The following ENPP2 variants were observed in gnomAD, a reference collection of about 807,000 sequenced individuals.
The protein encoded by ENPP2 is autotaxin.
A neutral mutation model predicts 120.2 loss-of-function variants in ENPP2; 51 were observed. That is an observed-to-expected ratio of 0.42 (90% CI 0.34 to 0.54). ENPP2 has a LOEUF of 0.54. Among genes scored for constraint, ENPP2 ranks in the 20% least tolerant of loss-of-function variants. The probability of loss-of-function intolerance (pLI) is 0.04; values close to 1 mark genes in which losing one functional copy is unlikely to be tolerated. For missense variants in ENPP2, 920 were observed against 1,066.5 expected (o/e 0.86, Z 1.91); for synonymous variants, 365 against 366.4 (o/e 1.00, Z 0.04).
At chr8:119,621,601 T>C (rs1815902148) in intron 3 of ENPP2, 82 bp from the exon 4 acceptor site, 1 of 1,454,728 alleles carries the variant, frequency 6.9e-7, no homozygotes, top group Non-Finnish European at 9.5e-7. Flanking sequence ...GGATTTCCAA[T>C]GAAGAAAGCT....
At position 119,572,185 on chromosome 8, in the gene ENPP2, G is replaced by T. The variant is rs1028043146; in HGVS notation, c.1781-1344C>A. The T allele has an allele frequency of 2.6e-6, 4 of 1,552,970 alleles. No individual in the cohort carries two copies. In the African/African-American group the frequency reaches 4.1e-5, roughly 16 times the overall value. On this transcript the variant is annotated intron_variant, in intron 19 of 24. Coordinates refer to ENST00000075322, the MANE Select transcript of ENPP2 (RefSeq NM_001040092.3). Reference sequence around the variant, plus strand: ...AAAACTCAAACCAAACCTTTTCTAGGTTCAAAATTTCCATTAATGTTTTCC... The same window carrying T: ...AAAACTCAAACCAAACCTTTTCTAGTTTCAAAATTTCCATTAATGTTTTCC...
At chr8:119,601,237 C>G (rs1026807248) in intron 10 of ENPP2, among the ~76,000 whole-genome samples, 160 bp downstream of exon 10, 1 of 152,208 alleles carries the variant, frequency 6.6e-6, no homozygotes, top group Non-Finnish European at 1.5e-5. Context: ...TAACCAAAGT[C>G]TATTGTATCC....
At chr8:119,562,335 C>G (rs896032313) in intron 24 of ENPP2, among the ~76,000 whole-genome samples, 10 of 151,880 alleles carry the variant, frequency 6.6e-5, no homozygotes, top group Non-Finnish European at 1.5e-4. Context: ...CCCAGCTACT[C>G]GGGAGGCTGA....
intron 2 of ENPP2, among the ~76,000 whole-genome samples, chr8:119,631,669 G>C (rs984454549): frequency 6.6e-6 from 1 of 152,082 alleles, no homozygotes; most frequent in African/African-American, 2.4e-5. Flanking sequence ...CAATAGAGTG[G>C]AATATTCACT....
At chr8:119,620,964 A>C (rs1815852081) in intron 4 of ENPP2, among the ~76,000 whole-genome samples, 2 of 152,142 alleles carry the variant, frequency 1.3e-5, no homozygotes, top group African/African-American at 2.4e-5. Flanking sequence ...CAATAGAGGG[A>C]GGCGAGGCTA....
chr8:119,572,264 T>G, intron 19 of ENPP2: 1 of 1,540,852 alleles, frequency 6.5e-7, no homozygotes, highest in Non-Finnish European at 8.8e-7. Flanking sequence ...GAAGCAGAAG[T>G]ATCAAAATTC....
intron 11 of ENPP2, among the ~76,000 whole-genome samples, chr8:119,594,746 G>C (rs915482356): frequency 3.3e-5 from 5 of 152,130 alleles, no homozygotes; most frequent in African/African-American, 9.7e-5. Context: ...GAAAGATACA[G>C]GGAGTATATT....
chr8:119,562,136 C>CA (rs879796217), intron 24 of ENPP2, among the ~76,000 whole-genome samples: 194 of 130,808 alleles, frequency 1.5e-3, no homozygotes, highest in African/African-American at 4.1e-3. Flanking sequence ...GACTCCGCCT[C>CA]AAAAAAAAAA....
intron 1 of ENPP2, among the ~76,000 whole-genome samples, chr8:119,662,059 T>C (rs1425985411): frequency 6.6e-6 from 1 of 152,198 alleles, no homozygotes; most frequent in East Asian, 1.9e-4. Context: ...TACAAAGTTT[T>C]AGTTAGAAAA....
At chr8:119,661,577 A>G (rs1817922221) in intron 1 of ENPP2, among the ~76,000 whole-genome samples, 1 of 152,234 alleles carries the variant, frequency 6.6e-6, no homozygotes, top group Non-Finnish European at 1.5e-5. Flanking sequence ...ATGGAATTGT[A>G]AATTAGTGCA....
intron 1 of ENPP2, among the ~76,000 whole-genome samples, chr8:119,651,185 A>C (rs1280603834): frequency 6.6e-6 from 1 of 152,108 alleles, no homozygotes; most frequent in Non-Finnish European, 1.5e-5. Context: ...TAAGTTGATA[A>C]AGAGGGGAAG....
intron 19 of ENPP2, among the ~76,000 whole-genome samples, chr8:119,575,738 T>C (rs76723024): frequency 0.059 from 8,948 of 152,272 alleles, 364 homozygotes; most frequent in Non-Finnish European, 0.088. Flanking sequence ...TTGTTTAGTT[T>C]TAACCCAAAG....
chr8:119,610,534 G>C (rs16892861), intron 8 of ENPP2, among the ~76,000 whole-genome samples: 8,932 of 151,552 alleles, frequency 0.059, 792 homozygotes, highest in African/African-American at 0.2. Flanking sequence ...CCGGTTCCTT[G>C]TTAATTCAGA....
chr8:119,566,633 A>AC (rs1237345171), intron 22 of ENPP2, among the ~76,000 whole-genome samples: 1 of 151,884 alleles, frequency 6.6e-6, no homozygotes, highest in Non-Finnish European at 1.5e-5. Flanking sequence ...TGAAAAAACC[A>AC]CCCCCCTCGT....
chr8:119,633,739 T>C (rs1322899686), intron 2 of ENPP2, among the ~76,000 whole-genome samples: 3 of 152,058 alleles, frequency 2.0e-5, no homozygotes, highest in Admixed American at 2.0e-4. Flanking sequence ...GCTTCCTAAA[T>C]ACATAACTTT....
At chr8:119,673,198 G>A in intron 1 of ENPP2, 1 of 1,427,348 alleles carries the variant, frequency 7.0e-7, no homozygotes, top group South Asian at 1.2e-5. Context: ...AATGGCAGCT[G>A]TGACCTGGGA....
rs1377350967 is a variant in ENPP2 at position 119,644,623 on chromosome 8, TATACACAC to T, written c.22-6104_22-6097del. ...ATATATATATATATATATATATATA[TATACACAC>T]ACACACACACACACACATATAGATA... On this transcript the variant is annotated intron_variant, in intron 1 of 25. Coordinates refer to the ENPP2 transcript ENST00000427067. Among the ~76,000 whole-genome samples, 21 of 97,246 alleles carry T rather than the reference TATACACAC, an allele frequency of 2.2e-4. No homozygotes were observed. The East Asian group carries it at 5.3e-3, about 25-fold the overall frequency. The allele number at this position is 97,246 out of a possible 152,430, so 63.8% of individuals were successfully genotyped here. A position where few individuals can be genotyped will look rare whatever the true frequency, so the allele number is the denominator to read the frequency against.
At chr8:119,665,202 A>G (rs1387534296) in intron 1 of ENPP2, among the ~76,000 whole-genome samples, 1 of 152,224 alleles carries the variant, frequency 6.6e-6, no homozygotes, top group Non-Finnish European at 1.5e-5. Context: ...TGATTTCAAC[A>G]TTTGAATTGG....
intron 1 of ENPP2, among the ~76,000 whole-genome samples, chr8:119,658,856 G>A (rs1250101930): frequency 1.3e-5 from 2 of 152,184 alleles, no homozygotes; most frequent in Non-Finnish European, 2.9e-5. Context: ...TTTAACAAAG[G>A]AAGAGAATGC....
Sources: allele counts gnomAD v4.1 joint callset (sites outside exome capture counted in the v4.1 genomes callset), GRCh38; gene constraint gnomAD v4.1.1; transcripts MANE v1.5; gene names NCBI Gene and HGNC (gene_info 2026-07-23, HGNC 2026-07-21).